The following DMD variants were observed in gnomAD, a reference collection of about 807,000 sequenced individuals.
DMD encodes the protein dystrophin.
In DMD, 63 loss-of-function variants were observed where a neutral mutation model predicts 330.1. The ratio of observed to expected loss-of-function variants is 0.19; its 90% CI spans 0.16 to 0.24. The LOEUF (loss-of-function observed/expected upper bound fraction) is 0.24, where lower values mean the gene tolerates loss of function less well. Among genes scored for constraint, DMD ranks in the 10% least tolerant of loss-of-function variants. The pLI is 1.00. For synonymous variants in DMD, 1,223 were observed against 959.8 expected (o/e 1.27, Z -5.07); for missense variants, 3,344 against 2,684.1 (o/e 1.25, Z -5.43).
At chrX:31,721,173 C>T (rs1189986226) in intron 52 of DMD, among the ~76,000 whole-genome samples, 6 of 111,265 alleles carry the variant, frequency 5.4e-5, no homozygotes, top group East Asian at 2.8e-4. Context: ...AAAAGAACCA[C>T]GAGATTTATA....
chrX:32,705,953 A>G (rs2064592395), intron 7 of DMD, among the ~76,000 whole-genome samples: 1 of 109,639 alleles, frequency 9.1e-6, no homozygotes, highest in Non-Finnish European at 1.9e-5. Context: ...ACTATTCACA[A>G]TAGCAAAGAC....
chrX:31,155,211 T>C (rs2148020467), intron 74 of DMD, among the ~76,000 whole-genome samples: 1 of 112,498 alleles, frequency 8.9e-6, no homozygotes, highest in East Asian at 2.8e-4. Context: ...ATAAAGAACA[T>C]TACAACAATC....
At chrX:32,919,679 G>C (rs1191885245) in intron 2 of DMD, among the ~76,000 whole-genome samples, 3 of 111,358 alleles carry the variant, frequency 2.7e-5, no homozygotes, top group African/African-American at 9.8e-5. Context: ...TATTTCCTAG[G>C]TTCCCTATTC....
intron 1 of DMD, among the ~76,000 whole-genome samples, chrX:33,243,319 T>C (rs1269519890): frequency 2.7e-5 from 3 of 112,161 alleles, no homozygotes; most frequent in Non-Finnish European, 5.6e-5. Flanking sequence ...TGAATTTGTT[T>C]ATTATTTCTA....
intron 45 of DMD, 147 bp downstream of exon 45, chrX:31,968,192 T>G: frequency 1.6e-6 from 1 of 611,365 alleles, no homozygotes; most frequent in African/African-American, 2.3e-5. Context: ...AATAAAAAAT[T>G]TCTTTACTGC....
chrX:32,929,708 C>T (rs2089420955), intron 2 of DMD, among the ~76,000 whole-genome samples: 1 of 110,857 alleles, frequency 9.0e-6, no homozygotes, highest in Admixed American at 9.7e-5. Context: ...GCTATCCCTC[C>T]CTTTGCCCCC....
intron 78 of DMD, among the ~76,000 whole-genome samples, chrX:31,122,351 C>T (rs929275522): frequency 5.4e-5 from 6 of 111,152 alleles, no homozygotes; most frequent in Non-Finnish European, 9.4e-5. Context: ...CTTGTATTAA[C>T]GAACATTTTT....
chrX:33,298,443 A>G (rs770014543), intron 1 of DMD, among the ~76,000 whole-genome samples: 1 of 112,088 alleles, frequency 8.9e-6, no homozygotes, highest in Admixed American at 9.5e-5. Context: ...AGAAGCTGAA[A>G]AAAGGAGAAA....
chrX:31,712,281 TG>T (rs917817770), intron 52 of DMD, among the ~76,000 whole-genome samples: 2 of 111,387 alleles, frequency 1.8e-5, no homozygotes, highest in African/African-American at 6.5e-5. Context: ...TGGGAGGCTC[TG>T]TCAACCTACT....
At chrX:32,361,916 A>G (rs142277294) in intron 37 of DMD, among the ~76,000 whole-genome samples, 3,044 of 111,298 alleles carry the variant, frequency 0.027, 51 homozygotes, top group Non-Finnish European at 0.045. Flanking sequence ...AGCATATCAT[A>G]TATATTGAAA....
chrX:31,140,318 C>CT lies in DMD; in HGVS notation c.10921+5972dup, dbSNP rs202080822. Among the ~76,000 whole-genome samples the CT allele has an allele frequency of 6.4e-3, 717 of 112,161 alleles. 3 individuals are homozygous for CT. Among genetic ancestry groups the CT allele is most frequent in the Admixed American group, 0.015 (162 of 10,620 alleles). On this transcript the variant is annotated intron_variant, in intron 76 of 78. Coordinates refer to ENST00000357033, the MANE Select transcript of DMD (RefSeq NM_004006.3). ...TCTGAATCTAAACAAATTATTTTCTCTTTTTTTTAAAAAGGAGCTGTGTAC... is the reference window on the plus strand; with the variant it reads ...TCTGAATCTAAACAAATTATTTTCTCTTTTTTTTTAAAAAGGAGCTGTGTAC...
At chrX:32,038,725 A>G (rs1282945446) in intron 44 of DMD, among the ~76,000 whole-genome samples, 5 of 111,426 alleles carry the variant, frequency 4.5e-5, no homozygotes, top group Non-Finnish European at 9.4e-5. Context: ...GAAAAAATCA[A>G]GTTAAATCAT....
chrX:31,633,501 A>G (rs1238628886), intron 54 of DMD, among the ~76,000 whole-genome samples: 1 of 111,906 alleles, frequency 8.9e-6, no homozygotes, highest in East Asian at 2.8e-4. Context: ...CCAATAATAC[A>G]TGGACTTTGG....
chrX:31,288,875 A>G (rs924146516), intron 62 of DMD, among the ~76,000 whole-genome samples: 7 of 112,188 alleles, frequency 6.2e-5, no homozygotes, highest in Non-Finnish European at 1.3e-4. Context: ...TCAATAAATG[A>G]ATAATCATAT....
intron 44 of DMD, among the ~76,000 whole-genome samples, chrX:32,050,821 A>C (rs2147512389): frequency 9.0e-6 from 1 of 111,377 alleles, no homozygotes; most frequent in East Asian, 2.8e-4. Flanking sequence ...TAACTGAAAT[A>C]AAAACACATT....
chrX:32,369,462 T>C (rs1287056823), intron 34 of DMD, among the ~76,000 whole-genome samples: 2 of 111,579 alleles, frequency 1.8e-5, no homozygotes, highest in Non-Finnish European at 3.8e-5. Flanking sequence ...AGTAGCAAGA[T>C]GGAAAAACCT....
At chrX:31,325,158 C>T (rs1265962943) in intron 61 of DMD, among the ~76,000 whole-genome samples, 1 of 111,571 alleles carries the variant, frequency 9.0e-6, no homozygotes, top group Non-Finnish European at 1.9e-5. Context: ...CTATTCCTTT[C>T]TTTTCCCTTC....
chrX:32,603,448 A>C (rs964816307), intron 12 of DMD, among the ~76,000 whole-genome samples: 2 of 111,673 alleles, frequency 1.8e-5, no homozygotes, highest in African/African-American at 6.5e-5. Flanking sequence ...TTGTACTTCA[A>C]TGAACTAGAA....
chrX:31,218,381 A>G (rs1602859548), intron 64 of DMD, among the ~76,000 whole-genome samples: 1 of 110,627 alleles, frequency 9.0e-6, no homozygotes, highest in Non-Finnish European at 1.9e-5. Flanking sequence ...GGGCAGGGGC[A>G]GGGGCAGGTG....
Sources: gnomAD v4.1 joint callset for allele counts (sites outside exome capture counted in the v4.1 genomes callset) on GRCh38, gnomAD v4.1.1 for gene constraint, MANE v1.5 for transcripts, NCBI Gene and HGNC (gene_info 2026-07-23, HGNC 2026-07-21) for gene names.